Variants in KLF17 observed in about 807,000 individuals in gnomAD.
KLF17 encodes the protein KLF transcription factor 17.
A neutral mutation model predicts 34.2 loss-of-function variants in KLF17; 31 were observed. The observed-to-expected ratio is 0.91, with a 90% CI of 0.68 to 1.22. The LOEUF is 1.22. Among genes scored for constraint, KLF17 ranks in the 50% most tolerant of loss-of-function variants. The pLI, the probability that KLF17 is intolerant of heterozygous loss-of-function variation, is 0.00. For synonymous variants in KLF17, 179 were observed against 186.7 expected (o/e 0.96, Z 0.34); for missense variants, 478 against 505.2 (o/e 0.95, Z 0.52).
the KLF17 span, among the ~76,000 whole-genome samples, chr1:44,108,990 ATTGT>A: frequency 1.3e-5 from 2 of 152,122 alleles, no homozygotes; most frequent in African/African-American, 2.4e-5. Flanking sequence ...TGTATGACAG[ATTGT>A]TTATTTGTGA....
chr1:44,109,690 C>T, the KLF17 span, among the ~76,000 whole-genome samples: 1 of 152,098 alleles, frequency 6.6e-6, no homozygotes, highest in Non-Finnish European at 1.5e-5. Flanking sequence ...CTGTTGGTCC[C>T]AGTATCAATC....
chr1:44,126,009 T>TTTTTGTTTTG lies in KLF17; in HGVS notation c.82-3324_82-3315dup, dbSNP rs138404452. Among the ~76,000 whole-genome samples the TTTTTGTTTTG allele has an allele frequency of 4.4e-3, 665 of 151,884 alleles. 3 individuals carry two copies. The highest frequency in any genetic ancestry group is 0.015 in the African/African-American group (632 of 41,362). On this transcript the variant is annotated intron_variant, in intron 1 of 3. Transcript: ENST00000372299. Reference sequence around the variant, plus strand: ...CCCTAATAGTTGGAGGACAAGGTTTTTTTTGTTTTGTTTTGTTTTGTTTTG... The same window carrying TTTTTGTTTTG: ...CCCTAATAGTTGGAGGACAAGGTTTTTTTTGTTTTGTTTTGTTTTGTTTTGTTTTGTTTTG...
chr1:44,081,923 C>CT, the KLF17 span, among the ~76,000 whole-genome samples: 2 of 152,108 alleles, frequency 1.3e-5, no homozygotes, highest in Admixed American at 6.6e-5. Flanking sequence ...TGGCAGAAGT[C>CT]TTTTTTGTTG....
the KLF17 span, among the ~76,000 whole-genome samples, chr1:44,048,844 C>G: frequency 6.6e-6 from 1 of 152,104 alleles, no homozygotes; most frequent in African/African-American, 2.4e-5. Context: ...TATGTGTGTA[C>G]ACAGTGCATT....
chr1:44,095,952 GT>G, the KLF17 span, among the ~76,000 whole-genome samples: 3 of 151,576 alleles, frequency 2.0e-5, no homozygotes, highest in Non-Finnish European at 4.4e-5. Context: ...GTTTTGTTTT[GT>G]TTTTTTGAGA....
the KLF17 span, among the ~76,000 whole-genome samples, chr1:44,107,593 A>G: frequency 6.6e-6 from 1 of 152,166 alleles, no homozygotes; most frequent in East Asian, 1.9e-4. Context: ...CCTGCTCAGG[A>G]GGAATCATTT....
rs1279110519 is a variant in KLF17, at chr1:44,127,624, CT to C, written c.82-1725del. Among the ~76,000 whole-genome samples the C allele has an allele frequency of 1.9e-3, 124 of 63,856 alleles. 1 individual carries two copies. The highest frequency in any genetic ancestry group is 6.9e-3 in the African/African-American group (120 of 17,342). The allele number at this position is 63,856 out of a possible 152,430, so 41.9% of individuals were successfully genotyped here. A position where few individuals can be genotyped will look rare whatever the true frequency, so the allele number is the denominator to read the frequency against. On this transcript the variant is annotated intron_variant, in intron 1 of 3. Coordinates refer to ENST00000372299, the MANE Select transcript of KLF17 (RefSeq NM_173484.4). ...TCCCTTTCTTTCTTTCTTTTCTTTTCTTTTCTTTTCTTTCCTTCTTTCTTTC... is the reference window on the plus strand; with the variant it reads ...TCCCTTTCTTTCTTTCTTTTCTTTTCTTTCTTTTCTTTCCTTCTTTCTTTC...
chr1:44,063,423 T>C, the KLF17 span, among the ~76,000 whole-genome samples: 103 of 152,362 alleles, frequency 6.8e-4, no homozygotes, highest in African/African-American at 2.4e-3. Context: ...GTGTTGTTAC[T>C]AAGTCAGATC....
At position 44,133,678 on chromosome 1, in the gene KLF17, C is replaced by T. The variant is rs1324665370; in HGVS notation, c.*441C>T. 1 of 152,356 alleles carries T rather than the reference C, an allele frequency of 6.6e-6. No individual in the cohort carries two copies. Among genetic ancestry groups the T allele is most frequent in the Non-Finnish European group, 1.5e-5 (1 of 68,156 alleles). The allele number at this position is 152,356 out of a possible 1,614,324, so 9.4% of individuals were successfully genotyped here. On this transcript the variant is annotated 3_prime_UTR_variant, in exon 4 of 4. Transcript: ENST00000372299. The stretch of plus-strand genomic sequence containing the variant: ...TCTGCAGGCTCAAGCCTATCTGGGC[C>T]TCTGGGGAAGCCCCACAGCCTTGGC...
chr1:44,090,923 CACAT>C, the KLF17 span, among the ~76,000 whole-genome samples: 3 of 148,888 alleles, frequency 2.0e-5, no homozygotes, highest in Non-Finnish European at 4.4e-5. Context: ...CACACACACA[CACAT>C]GCACACGCAC....
At chr1:44,051,071 G>A in the KLF17 span, 1 of 137,502 alleles carries the variant, frequency 7.3e-6, no homozygotes, top group Non-Finnish European at 1.5e-5. Flanking sequence ...GAAAACGACA[G>A]CATGAGAGAC....
At chr1:44,058,724 C>T in the KLF17 span, among the ~76,000 whole-genome samples, 1 of 118,966 alleles carries the variant, frequency 8.4e-6, no homozygotes, top group Non-Finnish European at 1.6e-5. Context: ...GAGTCTCGCT[C>T]AGTCACAGGC....
At chr1:44,103,361 G>A in the KLF17 span, 2 of 749,558 alleles carry the variant, frequency 2.7e-6, no homozygotes, top group East Asian at 4.9e-5. Flanking sequence ...CCGGCTTCCC[G>A]TTGCAGGTCT....
the KLF17 span, among the ~76,000 whole-genome samples, chr1:44,094,453 CT>C: frequency 6.6e-6 from 1 of 152,052 alleles, no homozygotes; most frequent in Non-Finnish European, 1.5e-5. Context: ...CCAATGTTTT[CT>C]TTTAGTGGTT....
chr1:44,086,152 T>C, the KLF17 span, among the ~76,000 whole-genome samples: 1 of 152,134 alleles, frequency 6.6e-6, no homozygotes, highest in Admixed American at 6.6e-5. Context: ...GACACTTGTG[T>C]TGAGGGATTG....
the KLF17 span, among the ~76,000 whole-genome samples, chr1:44,096,028 G>A: frequency 6.6e-6 from 1 of 151,870 alleles, no homozygotes; most frequent in African/African-American, 2.4e-5. Flanking sequence ...TGCAACCTCT[G>A]CCCCCCAGGT....
the KLF17 span, chr1:44,106,828 T>A: frequency 6.6e-6 from 1 of 152,190 alleles, no homozygotes; most frequent in Non-Finnish European, 1.5e-5. Flanking sequence ...TAGTTTAACC[T>A]CTTCCCCACC....
At chr1:44,106,880 A>G in the KLF17 span, 1 of 152,246 alleles carries the variant, frequency 6.6e-6, no homozygotes, top group Non-Finnish European at 1.5e-5. Flanking sequence ...CAAGGAATTT[A>G]GAGAAGAAAA....
At chr1:44,087,027 A>ATATG in the KLF17 span, among the ~76,000 whole-genome samples, 9 of 152,228 alleles carry the variant, frequency 5.9e-5, no homozygotes, top group Non-Finnish European at 1.2e-4. Context: ...ATTCGGCAGC[A>ATATG]TCGATGTAGA....
Sources: gnomAD v4.1 joint callset for allele counts (sites outside exome capture counted in the v4.1 genomes callset) on GRCh38, gnomAD v4.1.1 for gene constraint, MANE v1.5 for transcripts, NCBI Gene and HGNC (gene_info 2026-07-23, HGNC 2026-07-21) for gene names.